DOCK6: variants seen among roughly 807,000 people sequenced by gnomAD.
DOCK6 encodes the protein dedicator of cytokinesis protein 6.
In DOCK6, 167 loss-of-function variants were observed where a neutral mutation model predicts 230.3. The ratio of observed to expected loss-of-function variants is 0.73; its 90% CI spans 0.64 to 0.82. The LOEUF is 0.82. Among genes scored for constraint, DOCK6 ranks in the 40% least tolerant of loss-of-function variants. DOCK6 has a pLI of 0.00. For synonymous variants in DOCK6, 1,148 were observed against 1,185.0 expected (o/e 0.97, Z 0.64); for missense variants, 2,598 against 2,825.8 (o/e 0.92, Z 1.83).
At chr19:11,239,587 G>A (rs1247900716) in intron 14 of DOCK6, 1 of 1,603,488 alleles carries the variant, frequency 6.2e-7, no homozygotes, top group African/African-American at 1.3e-5. Flanking sequence ...GGGGTATGAG[G>A]CATAAAAGGC....
intron 31 of DOCK6, 61 bp from the exon 32 acceptor site, chr19:11,215,532 G>A (rs368557930): frequency 5.3e-6 from 8 of 1,501,548 alleles, no homozygotes; most frequent in African/African-American, 1.4e-5. Flanking sequence ...GTGAACATCA[G>A]GAGAAATGCA....
At chr19:11,249,171 TATACAGTTGGTACCCA>T (rs1408540020) in intron 6 of DOCK6, among the ~76,000 whole-genome samples, 1 of 152,196 alleles carries the variant, frequency 6.6e-6, no homozygotes, top group African/African-American at 2.4e-5. Flanking sequence ...AATATAGGGA[TATACAGTTGGTACCCA>T]ATACATGCTT....
At position 11,252,526 on chromosome 19, in the gene DOCK6, G is replaced by T. The variant is rs774735144; in HGVS notation, c.333C>A (p.Ala111=). 1 of 1,613,790 alleles carries T rather than the reference G, an allele frequency of 6.2e-7. No homozygotes were observed. The highest frequency in any genetic ancestry group is 1.1e-5 in the South Asian group (1 of 91,082). The change falls in exon 4 of 48, where the codon GCC becomes GCA. Residue 111 remains alanine (A), a synonymous_variant. Transcript: ENST00000294618. ...KDEKLDAQVR[A]AVEMYIEDWV... Reference sequence around the variant, plus strand: ...AGTCCTCAATATACATCTCCACCGCGGCCCTCACCTGGGCATCCAGTTTTC... The same window carrying T: ...AGTCCTCAATATACATCTCCACCGCTGCCCTCACCTGGGCATCCAGTTTTC...
In DOCK6 at chr19:11,236,275, A is replaced by G. The variant is rs993382416; in HGVS notation, c.2392+71T>C. On this transcript the variant is annotated intron_variant, in intron 20 of 47. Coordinates refer to ENST00000294618, the MANE Select transcript of DOCK6 (RefSeq NM_020812.4). This position sits in a 1 kb window ranked among gnomAD's most constrained non-coding sequence, Gnocchi z 5.2. ...AGAGAGGTAAATGGGCTTATAGAAG[A>G]TCCCTCAGGACCTCAGGACTGAGAA... is the stretch of plus-strand genomic sequence containing the variant. 7 of 1,370,166 alleles carry G rather than the reference A, an allele frequency of 5.1e-6. No individual in the cohort carries two copies. The African/African-American group carries it at 1.0e-4, about 20-fold the overall frequency. 84.9% of individuals were successfully genotyped at this position (1,370,166 alleles called of 1,614,324 possible). A position where few individuals can be genotyped will look rare whatever the true frequency, so the allele number is the denominator to read the frequency against.
At chr19:11,246,765 C>T (rs1187522774) in intron 7 of DOCK6, among the ~76,000 whole-genome samples, 2 of 152,300 alleles carry the variant, frequency 1.3e-5, no homozygotes, top group East Asian at 1.9e-4. Flanking sequence ...TCACTCTGCA[C>T]GGAGTTCCCA....
intron 21 of DOCK6, 98 bp from the exon 22 acceptor site, chr19:11,233,464 C>T (rs1365837378): frequency 9.2e-6 from 13 of 1,418,040 alleles, no homozygotes; most frequent in Non-Finnish European, 1.1e-5. Flanking sequence ...CACTTTCCTT[C>T]TCTGAGCCTC....
intron 32 of DOCK6, 91 bp from the exon 33 acceptor site, chr19:11,214,740 C>A: frequency 8.5e-7 from 1 of 1,170,264 alleles, no homozygotes; most frequent in South Asian, 1.3e-5. Context: ...GCCCAGGGGG[C>A]ACTGGCTCCC....
Position 11,246,026 on chromosome 19 carries a change from C to T in DOCK6, c.807-148G>A, listed in dbSNP as rs1242060702. The T allele has an allele frequency of 4.4e-6, 4 of 905,212 alleles. No individual in the cohort carries two copies. In the East Asian group the frequency reaches 8.2e-5, roughly 18 times the overall value. The allele number at this position is 905,212 out of a possible 1,614,324, so 56.1% of individuals were successfully genotyped here. On this transcript the variant is annotated intron_variant, in intron 7 of 47. Transcript: ENST00000294618. The stretch of plus-strand genomic sequence containing the variant: ...TTAAGGGCTTGCAGAAAAGGTACAT[C>T]TCATTTTGCAAAAGGGGAAACTGAG...
At chr19:11,223,942 C>T (rs1326542881) in intron 24 of DOCK6, among the ~76,000 whole-genome samples, 6 of 152,012 alleles carry the variant, frequency 3.9e-5, no homozygotes, top group Admixed American at 1.3e-4. Context: ...ATACCGCACC[C>T]GGCCTCTCAG....
intron 5 of DOCK6, 145 bp from the exon 6 acceptor site, chr19:11,251,231 G>T (rs1210701237): frequency 1.3e-6 from 1 of 786,860 alleles, no homozygotes; most frequent in Non-Finnish European, 2.0e-6. Context: ...TCACCTGGGG[G>T]TTTTGCCTAC....
At chr19:11,217,442 TC>T in intron 28 of DOCK6, 51 bp from the exon 29 acceptor site, 4 of 1,575,148 alleles carry the variant, frequency 2.5e-6, no homozygotes, top group Non-Finnish European at 3.4e-6. Context: ...GTAAGTGCTG[TC>T]CCTGTCTCAA....
intron 14 of DOCK6, chr19:11,240,058 C>T (rs2079917642): frequency 1.4e-5 from 22 of 1,547,360 alleles, no homozygotes; most frequent in South Asian, 8.4e-5. Flanking sequence ...AGATTTTCAG[C>T]GATAAACTCA....
intron 14 of DOCK6, among the ~76,000 whole-genome samples, chr19:11,240,777 C>G (rs1352067627): frequency 6.7e-6 from 1 of 149,660 alleles, no homozygotes; most frequent in Non-Finnish European, 1.5e-5. Context: ...ACCATGTTGG[C>G]CAGGCTGGTC....
At chr19:11,253,515 C>T in intron 2 of DOCK6, 124 bp downstream of exon 2, 2 of 580,192 alleles carry the variant, frequency 3.4e-6, no homozygotes, top group Non-Finnish European at 5.5e-6. Context: ...TGCTGGGTCC[C>T]TCTCGGTTTC....
At position 11,243,356 on chromosome 19, in the gene DOCK6, G is replaced by A. The variant is rs772987371; in HGVS notation, c.1288C>T (p.Arg430Cys). ...ERRPAWTDRR[R>C]RGPQDRASSG... Reference sequence around the variant, plus strand: ...CTCGCCCGGTCCTGGGGCCCCCGACGGCGGCGGTCTGTCCAGGCTGGCCGG... The same window carrying A: ...CTCGCCCGGTCCTGGGGCCCCCGACAGCGGCGGTCTGTCCAGGCTGGCCGG... The change falls in exon 12 of 48, where the codon CGT becomes TGT. Residue 430 changes from arginine to cysteine, a missense_variant. Physicochemically the swap from Arg to Cys is radical, Grantham distance 180. Coordinates refer to ENST00000294618, the MANE Select transcript of DOCK6 (RefSeq NM_020812.4). The surrounding 1 kb of genome is among the most constrained non-coding windows in gnomAD (Gnocchi z 6.3). 1 of 1,600,858 alleles carries A rather than the reference G, an allele frequency of 6.2e-7. No individual in the cohort carries two copies. The highest frequency in any genetic ancestry group is 8.5e-7 in the Non-Finnish European group (1 of 1,174,458).
rs2079866137 is a variant in DOCK6, at chr19:11,237,441, C to G, written c.2073+15G>C. On this transcript the variant is annotated intron_variant, in intron 18 of 47. Transcript: ENST00000294618. Reference sequence around the variant, plus strand: ...GGGACAGTGCATTGGCAGGCAGGAGCTCCAGGGCACATACATCGGGTGTGA... The same window carrying G: ...GGGACAGTGCATTGGCAGGCAGGAGGTCCAGGGCACATACATCGGGTGTGA... 1 of 1,613,188 alleles carries G rather than the reference C, an allele frequency of 6.2e-7. No homozygotes were observed. Among genetic ancestry groups the G allele is most frequent in the Non-Finnish European group, 8.5e-7 (1 of 1,179,762 alleles).
intron 14 of DOCK6, 91 bp downstream of exon 14, chr19:11,241,954 C>G (rs1171968985): frequency 2.7e-6 from 4 of 1,457,704 alleles, no homozygotes; most frequent in African/African-American, 2.9e-5. Context: ...CCCAGGGTGT[C>G]TGTGTGTGTC....
At chr19:11,216,767 A>G in intron 30 of DOCK6, 147 bp downstream of exon 30, 1 of 815,048 alleles carries the variant, frequency 1.2e-6, no homozygotes, top group Non-Finnish European at 2.0e-6. Context: ...GCCTCAGCAC[A>G]GAAACAGTCC....
At position 11,257,482 on chromosome 19, in the gene DOCK6, TA is replaced by T. The variant is rs35933920; in HGVS notation, c.45-3757del. On this transcript the variant is annotated intron_variant, in intron 1 of 47. Coordinates refer to ENST00000294618, the MANE Select transcript of DOCK6 (RefSeq NM_020812.4). Reference sequence around the variant, plus strand: ...CCTGGGCTACAGAGACACTGTCTCTTAAAAAAAAAAAAAAAAAAAAAAAAAG... The same window carrying T: ...CCTGGGCTACAGAGACACTGTCTCTTAAAAAAAAAAAAAAAAAAAAAAAAG... Among the ~76,000 whole-genome samples, 376 of 78,620 alleles carry T rather than the reference TA, an allele frequency of 4.8e-3. 1 individual carries two copies. The highest frequency in any genetic ancestry group is 0.016 in the African/African-American group (329 of 20,198). 51.6% of individuals were successfully genotyped at this position (78,620 alleles called of 152,430 possible).
Sources: allele counts gnomAD v4.1 joint callset (sites outside exome capture counted in the v4.1 genomes callset), GRCh38; gene constraint gnomAD v4.1.1; non-coding constraint Gnocchi (gnomAD v3.1); transcripts MANE v1.5; gene names NCBI Gene and HGNC (gene_info 2026-07-23, HGNC 2026-07-21).